The following LRP1B variants were observed in gnomAD, a reference collection of about 807,000 sequenced individuals.
LRP1B encodes the protein LDL receptor related protein 1B, also known as low-density lipoprotein receptor-related protein 1B.
Under a neutral mutation model 556.6 loss-of-function variants are expected in LRP1B, and 217 were observed. The observed-to-expected ratio is 0.39, with a 90% confidence interval of 0.35 to 0.44. The LOEUF (loss-of-function observed/expected upper bound fraction) is 0.44, where lower values mean the gene tolerates loss of function less well. Among genes scored for constraint, LRP1B ranks in the 20% least tolerant of loss-of-function variants. The pLI, the probability that LRP1B is intolerant of heterozygous loss-of-function variation, is 1.00. For missense variants in LRP1B, 5,053 were observed against 5,620.8 expected, an observed-to-expected ratio of 0.90 and a Z score of 3.23; for synonymous variants, 2,047 against 1,865.8, an observed-to-expected ratio of 1.10 and a Z score of -2.50.
At chr2:140,339,264 C>G (rs1453351367) in intron 77 of LRP1B, among the ~76,000 whole-genome samples, 1 of 151,654 alleles carries the variant, frequency 6.6e-6, no homozygotes, top group African/African-American at 2.4e-5. Context: ...CTTCAATAAA[C>G]TGAAGATATA....
chr2:142,016,986 A>ATG (rs1437499449), intron 1 of LRP1B, among the ~76,000 whole-genome samples: 1 of 150,718 alleles, frequency 6.6e-6, no homozygotes, highest in Non-Finnish European at 1.5e-5. Flanking sequence ...ACATATATGT[A>ATG]TGTGTGTGTG....
At chr2:141,603,641 A>C (rs62166496) in intron 2 of LRP1B, among the ~76,000 whole-genome samples, 3,574 of 152,272 alleles carry the variant, frequency 0.023, 100 homozygotes, top group East Asian at 0.13. Flanking sequence ...AATGCATTCT[A>C]CTTTAAAAGT....
rs2105112797 is a variant in LRP1B at position 141,161,554 on chromosome 2, A to C, written c.1013+26867T>G. 1.3e-5 allele frequency among the ~76,000 whole-genome samples: 2 copies of C among 152,254 alleles called. 1 individual carries two copies. The highest frequency in any genetic ancestry group is 1.3e-4 in the Admixed American group (2 of 15,274). On this transcript the variant is annotated intron_variant, in intron 7 of 90. Transcript: ENST00000389484. The stretch of plus-strand genomic sequence containing the variant: ...GTGAGACAATTCTCTATTGGGTCTC[A>C]CACTTCCACACCTTTGTAAAGCAAA...
At chr2:141,344,344 A>C (rs1278068068) in intron 3 of LRP1B, among the ~76,000 whole-genome samples, 1 of 151,924 alleles carries the variant, frequency 6.6e-6, no homozygotes, top group East Asian at 1.9e-4. Flanking sequence ...CTCATCTGCT[A>C]CTCCACTTTT....
intron 1 of LRP1B, among the ~76,000 whole-genome samples, chr2:142,107,007 T>C (rs541933268): frequency 2.4e-4 from 36 of 152,240 alleles, no homozygotes; most frequent in African/African-American, 8.4e-4. Context: ...GACAAAAATG[T>C]ATATATAAAA....
At chr2:141,517,798 A>T (rs1250719180) in intron 2 of LRP1B, among the ~76,000 whole-genome samples, 1 of 152,194 alleles carries the variant, frequency 6.6e-6, no homozygotes, top group Non-Finnish European at 1.5e-5. Context: ...ACTTCCTAAG[A>T]TATGACAGGA....
intron 31 of LRP1B, among the ~76,000 whole-genome samples, chr2:140,829,366 T>C (rs1474198981): frequency 6.6e-6 from 1 of 152,164 alleles, no homozygotes; most frequent in South Asian, 2.1e-4. Context: ...TTTTCCAGAA[T>C]AGGATCTATG....
chr2:141,072,852 G>C (rs1375806269), intron 7 of LRP1B, among the ~76,000 whole-genome samples: 1 of 151,988 alleles, frequency 6.6e-6, no homozygotes, highest in Non-Finnish European at 1.5e-5. Flanking sequence ...TCTATTTCTA[G>C]ATCAATTATT....
chr2:140,580,352 C>T (rs1246758670), intron 43 of LRP1B, among the ~76,000 whole-genome samples: 3 of 152,138 alleles, frequency 2.0e-5, no homozygotes, highest in African/African-American at 4.8e-5. Flanking sequence ...ATACAAAGAA[C>T]TAGGAGAACA....
At chr2:142,127,367 A>AATCCATCT (rs1707691876) in intron 1 of LRP1B, among the ~76,000 whole-genome samples, 1 of 150,022 alleles carries the variant, frequency 6.7e-6, no homozygotes, top group African/African-American at 2.5e-5. Context: ...TGTATGGCAG[A>AATCCATCT]ATCCATCCAT....
chr2:140,778,073 T>G (rs1426796971), intron 32 of LRP1B, among the ~76,000 whole-genome samples: 1 of 151,940 alleles, frequency 6.6e-6, no homozygotes, highest in African/African-American at 2.4e-5. Context: ...CAATAAAAAC[T>G]ATTAATTTTA....
At chr2:140,776,877 T>C (rs376758007) in intron 32 of LRP1B, among the ~76,000 whole-genome samples, 8 of 149,840 alleles carry the variant, frequency 5.3e-5, no homozygotes, top group East Asian at 2.0e-4. Flanking sequence ...GATAAAAAAA[T>C]AGAGATCTCC....
At chr2:141,090,374 G>C (rs1478639080) in intron 7 of LRP1B, among the ~76,000 whole-genome samples, 1 of 152,134 alleles carries the variant, frequency 6.6e-6, no homozygotes, top group African/African-American at 2.4e-5. Context: ...ACTTCTGTAA[G>C]CAGAATAAGT....
chr2:141,458,359 C>A (rs562665021), intron 3 of LRP1B, among the ~76,000 whole-genome samples: 11 of 152,134 alleles, frequency 7.2e-5, no homozygotes, highest in Non-Finnish European at 1.5e-4. Flanking sequence ...AGGGACAGAG[C>A]ATTCAAAATC....
At chr2:140,538,308 A>T (rs189493631) in intron 45 of LRP1B, among the ~76,000 whole-genome samples, 125 of 152,228 alleles carry the variant, frequency 8.2e-4, no homozygotes, top group African/African-American at 2.5e-3. Flanking sequence ...TTAAGATATG[A>T]TTGATTCTGT....
chr2:141,098,947 A>G (rs1348681825), intron 7 of LRP1B, among the ~76,000 whole-genome samples: 1 of 152,184 alleles, frequency 6.6e-6, no homozygotes, highest in Non-Finnish European at 1.5e-5. Flanking sequence ...AATATTTTTA[A>G]TAGCCATTAA....
chr2:140,773,276 C>A (rs1421971855), intron 33 of LRP1B, among the ~76,000 whole-genome samples: 1 of 152,100 alleles, frequency 6.6e-6, no homozygotes, highest in African/African-American at 2.4e-5. Flanking sequence ...ACCAGAGCGG[C>A]CAACATGGTG....
chr2:140,322,415 A>C (rs1448952596), intron 81 of LRP1B, among the ~76,000 whole-genome samples: 1 of 152,018 alleles, frequency 6.6e-6, no homozygotes, highest in Admixed American at 6.6e-5. Flanking sequence ...TACCATTGGG[A>C]CTGTGTTGGA....
At chr2:141,907,288 C>T (rs967544492) in intron 1 of LRP1B, among the ~76,000 whole-genome samples, 8 of 151,600 alleles carry the variant, frequency 5.3e-5, no homozygotes, top group African/African-American at 1.2e-4. Context: ...ACTCAATTCT[C>T]GGTGATGGCA....
Sources: gnomAD v4.1 joint callset for allele counts (sites outside exome capture counted in the v4.1 genomes callset) on GRCh38, gnomAD v4.1.1 for gene constraint, MANE v1.5 for transcripts, NCBI Gene and HGNC (gene_info 2026-07-23, HGNC 2026-07-21) for gene names.